The following ABTB2 variants were observed in gnomAD, a reference collection of about 807,000 sequenced individuals.
ABTB2 encodes the protein ankyrin repeat and BTB/POZ domain-containing protein 2.
Under a neutral mutation model 104.1 loss-of-function variants are expected in ABTB2, and 56 were observed. The ratio of observed to expected loss-of-function variants is 0.54; its 90% CI spans 0.43 to 0.67. ABTB2 has a LOEUF of 0.67. ABTB2 is among the 30% of genes least tolerant of loss of function. ABTB2 has a pLI of 0.00. For missense variants in ABTB2, 1,279 were observed against 1,407.7 expected (o/e 0.91, Z 1.46); for synonymous variants, 606 against 608.2 (o/e 1.00, Z 0.05).
chr11:34,222,181 G>T (rs891161658), intron 1 of ABTB2, among the ~76,000 whole-genome samples: 2 of 152,188 alleles, frequency 1.3e-5, no homozygotes, highest in Non-Finnish European at 2.9e-5. Flanking sequence ...GGTTGAAAGG[G>T]TTATCAATAG....
chr11:34,264,175 C>G (rs1264387811), intron 1 of ABTB2, among the ~76,000 whole-genome samples: 1 of 152,336 alleles, frequency 6.6e-6, no homozygotes, highest in African/African-American at 2.4e-5. Context: ...CTAGAAGCAG[C>G]TTGGAGGGAA....
intron 1 of ABTB2, among the ~76,000 whole-genome samples, chr11:34,293,702 G>A (rs912248698): frequency 6.6e-6 from 1 of 152,094 alleles, no homozygotes; most frequent in Non-Finnish European, 1.5e-5. Flanking sequence ...TGGGGTAAGG[G>A]TAAGGGTAAG....
intron 1 of ABTB2, among the ~76,000 whole-genome samples, chr11:34,234,590 G>A (rs1264634613): frequency 5.3e-5 from 8 of 152,194 alleles, no homozygotes; most frequent in Non-Finnish European, 1.0e-4. Flanking sequence ...AGAACACCTC[G>A]GATGCCAGCT....
chr11:34,328,676 A>G (rs1855096989), intron 1 of ABTB2, among the ~76,000 whole-genome samples: 1 of 152,206 alleles, frequency 6.6e-6, no homozygotes, highest in South Asian at 2.1e-4. Context: ...GCAGGCATTC[A>G]AGGAACCCTT....
chr11:34,191,088 G>A (rs1254616804), intron 3 of ABTB2, among the ~76,000 whole-genome samples: 1 of 152,158 alleles, frequency 6.6e-6, no homozygotes, highest in Non-Finnish European at 1.5e-5. Context: ...GAGGCTTATG[G>A]CACCCTCCTC....
intron 3 of ABTB2, among the ~76,000 whole-genome samples, chr11:34,194,245 CTTAATCCCAAA>C (rs1853218923): frequency 6.6e-6 from 1 of 152,198 alleles, no homozygotes; most frequent in Non-Finnish European, 1.5e-5. Flanking sequence ...GAGGAGGTCA[CTTAATCCCAAA>C]CAAACCCAGA....
At chr11:34,308,564 C>T (rs1854806798) in intron 1 of ABTB2, among the ~76,000 whole-genome samples, 1 of 152,118 alleles carries the variant, frequency 6.6e-6, no homozygotes, top group South Asian at 2.1e-4. Flanking sequence ...GCAGCTCACT[C>T]ACTGTTTAAG....
chr11:34,185,405 G>A (rs547340708), intron 3 of ABTB2, among the ~76,000 whole-genome samples: 18 of 152,362 alleles, frequency 1.2e-4, no homozygotes, highest in Non-Finnish European at 2.1e-4. Flanking sequence ...CACAAGGGCA[G>A]CTGCAGGGAA....
chr11:34,344,847 A>T (rs1855310765), intron 1 of ABTB2, among the ~76,000 whole-genome samples: 1 of 152,148 alleles, frequency 6.6e-6, no homozygotes, highest in Admixed American at 6.5e-5. Context: ...CTAAAACCGC[A>T]CTAGGATCTT....
chr11:34,335,077 A>G, intron 1 of ABTB2: 1 of 910,478 alleles, frequency 1.1e-6, no homozygotes, highest in East Asian at 2.4e-5. Context: ...CCCAAATATT[A>G]CATACAAATA....
At chr11:34,308,943 A>G (rs1452578459) in intron 1 of ABTB2, among the ~76,000 whole-genome samples, 1 of 151,998 alleles carries the variant, frequency 6.6e-6, no homozygotes, top group Non-Finnish European at 1.5e-5. Flanking sequence ...AATGCTTTTC[A>G]AATGCTTTGG....
chr11:34,243,729 A>G (rs1254879701), intron 1 of ABTB2, among the ~76,000 whole-genome samples: 1 of 152,230 alleles, frequency 6.6e-6, no homozygotes, highest in South Asian at 2.1e-4. Flanking sequence ...GTGAAAGATA[A>G]AAGCTTGAAG....
intron 1 of ABTB2, among the ~76,000 whole-genome samples, chr11:34,324,721 G>A (rs1855047560): frequency 6.6e-6 from 1 of 152,206 alleles, no homozygotes; most frequent in Non-Finnish European, 1.5e-5. Context: ...TCCCCTTTGG[G>A]GACCGCTGGC....
intron 3 of ABTB2, among the ~76,000 whole-genome samples, chr11:34,188,585 ACT>A (rs1853133120): frequency 2.6e-5 from 4 of 152,228 alleles, no homozygotes; most frequent in Non-Finnish European, 5.9e-5. Flanking sequence ...TATTTCATTT[ACT>A]TCCATTTTGG....
intron 3 of ABTB2, among the ~76,000 whole-genome samples, chr11:34,174,323 T>C (rs1180137443): frequency 2.0e-5 from 1 of 48,800 alleles, no homozygotes; most frequent in African/African-American, 1.1e-4. Context: ...AGACTCCGTC[T>C]CAAAAAAAAA....
At chr11:34,193,476 C>T (rs542380834) in intron 3 of ABTB2, among the ~76,000 whole-genome samples, 1 of 152,344 alleles carries the variant, frequency 6.6e-6, no homozygotes, top group East Asian at 1.9e-4. Context: ...GCTGGGAAAG[C>T]CACAGCCTGG....
At chr11:34,198,978 A>G (rs1010305604) in intron 2 of ABTB2, among the ~76,000 whole-genome samples, 2 of 152,214 alleles carry the variant, frequency 1.3e-5, no homozygotes, top group Admixed American at 6.5e-5. Context: ...CATGAAATGC[A>G]TGGCAGAACC....
At chr11:34,344,452 A>G (rs1855304391) in intron 1 of ABTB2, among the ~76,000 whole-genome samples, 2 of 152,194 alleles carry the variant, frequency 1.3e-5, no homozygotes, top group Admixed American at 1.3e-4. Flanking sequence ...TCAATCCATC[A>G]TATGACTAAT....
chr11:34,197,682 A>T, intron 2 of ABTB2, 144 bp from the exon 3 acceptor site: 1 of 630,528 alleles, frequency 1.6e-6, no homozygotes, highest in Non-Finnish European at 2.7e-6. Context: ...TGCAGCCAAC[A>T]GGCGGAGGTG....
Sources: allele counts gnomAD v4.1 joint callset (sites outside exome capture counted in the v4.1 genomes callset), GRCh38; gene constraint gnomAD v4.1.1; transcripts MANE v1.5; gene names NCBI Gene and HGNC (gene_info 2026-07-23, HGNC 2026-07-21).